Variants in ADAM23 observed in about 807,000 individuals in gnomAD.
ADAM23 encodes disintegrin and metalloproteinase domain-containing protein 23.
Under a neutral mutation model 120.1 loss-of-function variants are expected in ADAM23, and 33 were observed. That is an observed-to-expected ratio of 0.27 (90% CI 0.21 to 0.37). The LOEUF is 0.37. Among genes scored for constraint, ADAM23 ranks in the 10% least tolerant of loss-of-function variants. The probability of loss-of-function intolerance (pLI) is 1.00; values close to 1 mark genes in which losing one functional copy is unlikely to be tolerated. For missense variants in ADAM23, 862 were observed against 1,058.2 expected (o/e 0.81, Z 2.57); for synonymous variants, 367 against 375.2 (o/e 0.98, Z 0.25).
At chr2:206,606,590 G>A (rs1394024102) in intron 24 of ADAM23, 1 of 152,168 alleles carries the variant, frequency 6.6e-6, no homozygotes, top group Admixed American at 6.5e-5. Context: ...TAGCCAGGGT[G>A]TAAATAAATA....
chr2:206,457,520 C>G (rs1375655189), intron 2 of ADAM23, among the ~76,000 whole-genome samples: 1 of 152,214 alleles, frequency 6.6e-6, no homozygotes, highest in Non-Finnish European at 1.5e-5. Context: ...GAACTATATG[C>G]ATGTGTACAC....
At chr2:206,484,407 C>T (rs1387894947) in intron 3 of ADAM23, among the ~76,000 whole-genome samples, 1 of 152,078 alleles carries the variant, frequency 6.6e-6, no homozygotes, top group Admixed American at 6.5e-5. Flanking sequence ...TTGTGTATTT[C>T]TTTCTGGTGT....
intron 4 of ADAM23, among the ~76,000 whole-genome samples, chr2:206,532,531 C>T (rs890427735): frequency 2.6e-5 from 4 of 151,978 alleles, no homozygotes. Flanking sequence ...CTTTCATGAC[C>T]CATTTTCTTC....
intron 18 of ADAM23, among the ~76,000 whole-genome samples, chr2:206,585,923 G>C (rs140229471): frequency 6.6e-6 from 1 of 152,222 alleles, no homozygotes; most frequent in Non-Finnish European, 1.5e-5. Context: ...GCCCCAGAGA[G>C]TGCCAGCATT....
At chr2:206,529,179 C>T (rs1697000043) in intron 3 of ADAM23, among the ~76,000 whole-genome samples, 1 of 152,112 alleles carries the variant, frequency 6.6e-6, no homozygotes, top group Non-Finnish European at 1.5e-5. Flanking sequence ...AAGTACTAGG[C>T]TAAGAAATGC....
At chr2:206,529,189 C>G (rs558511043) in intron 3 of ADAM23, among the ~76,000 whole-genome samples, 1 of 152,106 alleles carries the variant, frequency 6.6e-6, no homozygotes, top group African/African-American at 2.4e-5. Flanking sequence ...CTAAGAAATG[C>G]AGTACTTAGC....
At chr2:206,536,850 C>T (rs749359702) in intron 4 of ADAM23, among the ~76,000 whole-genome samples, 14 of 151,906 alleles carry the variant, frequency 9.2e-5, no homozygotes, top group Non-Finnish European at 1.5e-4. Context: ...GGATTACAGG[C>T]ACGTGCCACC....
At chr2:206,465,414 G>GA (rs1371935613) in intron 2 of ADAM23, among the ~76,000 whole-genome samples, 11 of 151,586 alleles carry the variant, frequency 7.3e-5, no homozygotes, top group Admixed American at 4.6e-4. Context: ...ATAGGAAGCA[G>GA]AAAAAAAAGA....
At chr2:206,451,268 C>T (rs1321941913) in intron 2 of ADAM23, among the ~76,000 whole-genome samples, 1 of 152,194 alleles carries the variant, frequency 6.6e-6, no homozygotes, top group Non-Finnish European at 1.5e-5. Context: ...AAGACAGAGT[C>T]TCACTCTGTT....
chr2:206,502,262 A>C (rs897454452), intron 3 of ADAM23, among the ~76,000 whole-genome samples: 3 of 152,104 alleles, frequency 2.0e-5, no homozygotes, highest in African/African-American at 4.8e-5. Flanking sequence ...AAAACAGGTC[A>C]CCTTTTGATG....
intron 3 of ADAM23, among the ~76,000 whole-genome samples, chr2:206,497,051 A>G (rs906616773): frequency 1.4e-4 from 21 of 152,224 alleles, no homozygotes; most frequent in Non-Finnish European, 2.5e-4. Flanking sequence ...AGATGGATTC[A>G]TAGCCGAATT....
At chr2:206,493,443 G>A (rs1353643023) in intron 3 of ADAM23, among the ~76,000 whole-genome samples, 1 of 152,144 alleles carries the variant, frequency 6.6e-6, no homozygotes, top group Non-Finnish European at 1.5e-5. Flanking sequence ...CGCGATCTCG[G>A]CTCACTGCAA....
At chr2:206,608,163 G>T (rs1698764063) in intron 24 of ADAM23, among the ~76,000 whole-genome samples, 1 of 152,154 alleles carries the variant, frequency 6.6e-6, no homozygotes, top group African/African-American at 2.4e-5. Flanking sequence ...TTAGCTTTCA[G>T]CCTACAGGGT....
intron 2 of ADAM23, among the ~76,000 whole-genome samples, chr2:206,473,415 C>T (rs1695702517): frequency 6.6e-6 from 1 of 151,924 alleles, no homozygotes; most frequent in Non-Finnish European, 1.5e-5. Flanking sequence ...ATTAATCATG[C>T]TTATATTGTG....
intron 21 of ADAM23, 124 bp downstream of exon 21, chr2:206,589,638 G>T (rs923171397): frequency 1.5e-6 from 1 of 688,362 alleles, no homozygotes; most frequent in African/African-American, 1.8e-5. Flanking sequence ...AAAATTTAAA[G>T]TATTTATTTT....
In ADAM23 at chr2:206,518,198, A is replaced by G. The variant is rs192539846; in HGVS notation, c.510-12687A>G. On this transcript the variant is annotated intron_variant, in intron 3 of 25. Coordinates refer to ENST00000264377, the MANE Select transcript of ADAM23 (RefSeq NM_003812.4). Reference sequence around the variant, plus strand: ...ATTTTATTACTGGCACATTATATTTAATTAGGATAGAAGGAATGTGTGTGC... The same window carrying G: ...ATTTTATTACTGGCACATTATATTTGATTAGGATAGAAGGAATGTGTGTGC... 2.5e-3 allele frequency among the ~76,000 whole-genome samples: 378 copies of G among 152,330 alleles called. 6 individuals carry two copies. The highest frequency in any genetic ancestry group is 0.024 in the Middle Eastern group (7 of 294).
intron 18 of ADAM23, 76 bp from the exon 19 acceptor site, chr2:206,587,249 G>A: frequency 1.9e-6 from 2 of 1,036,626 alleles, no homozygotes; most frequent in Admixed American, 2.3e-5. Context: ...CACCATGCTT[G>A]CATTATATAT....
At chr2:206,594,473 G>A (rs3732078) in intron 22 of ADAM23, among the ~76,000 whole-genome samples, 11,204 of 152,144 alleles carry the variant, frequency 0.074, 546 homozygotes, top group Admixed American at 0.14. Context: ...TTGAAAACAC[G>A]TGAAGATTTA....
chr2:206,611,596 C>T (rs1698828411), intron 25 of ADAM23, among the ~76,000 whole-genome samples: 2 of 152,108 alleles, frequency 1.3e-5, no homozygotes, highest in Admixed American at 6.6e-5. Flanking sequence ...GTTAAGAAAT[C>T]CCGGTTTCAA....
Sources: gnomAD v4.1 joint callset for allele counts (sites outside exome capture counted in the v4.1 genomes callset) on GRCh38, gnomAD v4.1.1 for gene constraint, MANE v1.5 for transcripts, NCBI Gene and HGNC (gene_info 2026-07-23, HGNC 2026-07-21) for gene names.